Variants in NCOA7 observed in about 807,000 individuals in gnomAD.
NCOA7 encodes the protein nuclear receptor coactivator 7, also known as 140 kDa estrogen receptor-associated protein.
NCOA7 carries 45 observed loss-of-function variants against 104.3 expected under a neutral mutation model. The ratio of observed to expected loss-of-function variants is 0.43; its 90% CI spans 0.34 to 0.55. The LOEUF (loss-of-function observed/expected upper bound fraction) is 0.55. Among genes scored for constraint, NCOA7 ranks in the 20% least tolerant of loss-of-function variants. The pLI, the probability that NCOA7 is intolerant of heterozygous loss-of-function variation, is 0.02. For synonymous variants in NCOA7, 398 were observed against 402.3 expected (o/e 0.99, Z 0.13); for missense variants, 1,041 against 1,119.7 (o/e 0.93, Z 1.00).
At chr6:125,841,553 T>C (rs1780180759) in intron 2 of NCOA7, among the ~76,000 whole-genome samples, 1 of 152,008 alleles carries the variant, frequency 6.6e-6, no homozygotes, top group African/African-American at 2.4e-5. Flanking sequence ...ATCAAGACCG[T>C]CTTGTGATTG....
At chr6:125,785,790 G>C (rs534139373) in intron 1 of NCOA7, among the ~76,000 whole-genome samples, 1 of 152,210 alleles carries the variant, frequency 6.6e-6, no homozygotes, top group South Asian at 2.1e-4. Flanking sequence ...GTGAATAAAA[G>C]AAAAGGAAAA....
chr6:125,871,841 G>T (rs1166001457), intron 3 of NCOA7, among the ~76,000 whole-genome samples: 1 of 151,918 alleles, frequency 6.6e-6, no homozygotes, highest in Non-Finnish European at 1.5e-5. Context: ...ACAAAAAAAT[G>T]CAAAAATTAA....
rs559928420 is a variant in NCOA7 at position 125,922,805 on chromosome 6, C to G, written c.2494C>G (p.Leu832Val). The change falls in exon 13 of 16, where the codon CTA (leucine) becomes GTA (valine). Residue 832 changes from leucine to valine, a missense_variant. Leu to Val is a conservative substitution (Grantham distance 32). Transcript: ENST00000392477. Reference sequence around the variant, plus strand: ...ATCGGCATCACTAGACAGTCCTGTCCTATTGGTCATCAAAGATATGGATAA... The same window carrying G: ...ATCGGCATCACTAGACAGTCCTGTCGTATTGGTCATCAAAGATATGGATAA... ...RKSASLDSPV[L>V]LVIKDMDNQI... is the part of the protein sequence containing the mutation. 104 of 1,614,132 alleles carry G rather than the reference C, an allele frequency of 6.4e-5. No homozygotes were observed. Among genetic ancestry groups the G allele is most frequent in the Non-Finnish European group, 8.3e-5 (98 of 1,180,012 alleles).
chr6:125,919,093 C>A (rs904446661), intron 11 of NCOA7: 3 of 555,300 alleles, frequency 5.4e-6, no homozygotes, highest in Admixed American at 7.2e-5. Context: ...GGGAAACCAC[C>A]GTTTCAAAGG....
At chr6:125,925,724 A>C (rs1787965526) in intron 13 of NCOA7, among the ~76,000 whole-genome samples, 2 of 152,236 alleles carry the variant, frequency 1.3e-5, no homozygotes, top group Admixed American at 6.5e-5. Flanking sequence ...GAGCAAATGT[A>C]CATTTATATG....
intron 2 of NCOA7, among the ~76,000 whole-genome samples, chr6:125,844,439 T>G (rs1183774347): frequency 6.6e-6 from 1 of 152,180 alleles, no homozygotes; most frequent in East Asian, 1.9e-4. Context: ...ATCCACAGGT[T>G]TTTCCAGTGA....
At chr6:125,914,640 T>C (rs986091064) in intron 10 of NCOA7, among the ~76,000 whole-genome samples, 1 of 152,220 alleles carries the variant, frequency 6.6e-6, no homozygotes, top group Admixed American at 6.5e-5. Flanking sequence ...GTGATGGTTA[T>C]AGTATGAACC....
At chr6:125,872,934 TG>T (rs1783055430) in intron 3 of NCOA7, among the ~76,000 whole-genome samples, 1 of 152,212 alleles carries the variant, frequency 6.6e-6, no homozygotes, top group South Asian at 2.1e-4. Context: ...GGTTCTGATT[TG>T]AAGATACGGA....
chr6:125,880,996 A>T, intron 5 of NCOA7, 94 bp from the exon 6 acceptor site: 2 of 843,882 alleles, frequency 2.4e-6, no homozygotes, highest in Non-Finnish European at 4.1e-6. Flanking sequence ...TCATGCACTG[A>T]ACATGATACT....
At chr6:125,835,191 C>T (rs1223911482) in intron 2 of NCOA7, among the ~76,000 whole-genome samples, 1 of 152,174 alleles carries the variant, frequency 6.6e-6, no homozygotes, top group Non-Finnish European at 1.5e-5. Flanking sequence ...TCTTAAGATA[C>T]AACAGCTATC....
At chr6:125,916,208 G>A (rs1331466013) in intron 11 of NCOA7, among the ~76,000 whole-genome samples, 1 of 152,154 alleles carries the variant, frequency 6.6e-6, no homozygotes, top group South Asian at 2.1e-4. Context: ...ACGCTCGCTC[G>A]CTCTCCTGCC....
intron 2 of NCOA7, among the ~76,000 whole-genome samples, chr6:125,847,807 A>G (rs1209139022): frequency 6.6e-6 from 1 of 152,198 alleles, no homozygotes; most frequent in Non-Finnish European, 1.5e-5. Context: ...GACAAATGGG[A>G]TCTAATTAAA....
upstream of NCOA7, chr6:125,781,137 C>T (rs1774211486): frequency 6.6e-6 from 1 of 152,262 alleles, no homozygotes; most frequent in Non-Finnish European, 1.5e-5. Flanking sequence ...GGAGTCAAGA[C>T]ACCTTACAGC....
intron 7 of NCOA7, among the ~76,000 whole-genome samples, chr6:125,883,590 A>G (rs1784021904): frequency 6.6e-6 from 1 of 151,322 alleles, no homozygotes; most frequent in African/African-American, 2.4e-5. Flanking sequence ...TCACTTACCT[A>G]CTTTCTGTCT....
chr6:125,833,842 G>C (rs1285783965), intron 2 of NCOA7, among the ~76,000 whole-genome samples: 1 of 152,036 alleles, frequency 6.6e-6, no homozygotes. Flanking sequence ...ACTCAGTTTT[G>C]CCCCTAACTT....
intron 2 of NCOA7, among the ~76,000 whole-genome samples, chr6:125,849,550 C>A (rs1780940698): frequency 6.6e-6 from 1 of 151,942 alleles, no homozygotes; most frequent in African/African-American, 2.4e-5. Context: ...TCTTTTTTTG[C>A]ACTTTGAAAA....
rs1353158559 is a variant in NCOA7, at chr6:125,930,401, A to T, written c.*1630A>T. Reference sequence around the variant, plus strand: ...AATAATAAAGACTTACTTAACCAATATTATTGATTACCAGACTTTTATGAA... The same window carrying T: ...AATAATAAAGACTTACTTAACCAATTTTATTGATTACCAGACTTTTATGAA... On this transcript the variant is annotated 3_prime_UTR_variant, in exon 16 of 16. Transcript: ENST00000392477. 6.6e-6 allele frequency: 1 copy of T among 152,586 alleles called. No homozygotes were observed. The highest frequency in any genetic ancestry group is 2.4e-5 in the African/African-American group (1 of 41,432). The allele number at this position is 152,586 out of a possible 1,614,324, so 9.5% of individuals were successfully genotyped here.
chr6:125,801,014 G>T (rs1775835031), intron 1 of NCOA7, among the ~76,000 whole-genome samples: 1 of 152,224 alleles, frequency 6.6e-6, no homozygotes, highest in Non-Finnish European at 1.5e-5. Flanking sequence ...CAGCCTGAGT[G>T]ACAGAGTGAG....
At chr6:125,847,125 C>T (rs1000500975) in intron 2 of NCOA7, among the ~76,000 whole-genome samples, 4 of 152,074 alleles carry the variant, frequency 2.6e-5, no homozygotes, top group African/African-American at 7.2e-5. Context: ...CAAATGAGAA[C>T]ATAATAAAAA....
Sources: gnomAD v4.1 joint callset for allele counts (sites outside exome capture counted in the v4.1 genomes callset) on GRCh38, gnomAD v4.1.1 for gene constraint, MANE v1.5 for transcripts, NCBI Gene and HGNC (gene_info 2026-07-23, HGNC 2026-07-21) for gene names.